COL4A4: variants seen among roughly 807,000 people sequenced by gnomAD.
COL4A4 encodes collagen type IV alpha 4 chain, also known as collagen alpha-4(IV) chain.
COL4A4 carries 105 observed loss-of-function variants against 192.9 expected under a neutral mutation model. The observed-to-expected ratio is 0.54, with a 90% confidence interval of 0.46 to 0.64. The LOEUF (loss-of-function observed/expected upper bound fraction) is 0.64, where lower values mean the gene tolerates loss of function less well. Ranked by LOEUF, COL4A4 falls within the 30% of genes least tolerant of loss-of-function variation. The probability of loss-of-function intolerance (pLI) is 0.00; values close to 1 mark genes in which losing one functional copy is unlikely to be tolerated. For missense variants in COL4A4, 1,967 were observed against 2,169.3 expected (o/e 0.91, Z 1.85); for synonymous variants, 762 against 769.9 (o/e 0.99, Z 0.17).
At chr2:226,992,384 G>A in the COL4A4 span, among the ~76,000 whole-genome samples, 2 of 152,180 alleles carry the variant, frequency 1.3e-5, no homozygotes, top group East Asian at 3.8e-4. Flanking sequence ...TTCAGAGTTG[G>A]AAACAAAGCA....
intron 37 of COL4A4, among the ~76,000 whole-genome samples, chr2:227,039,825 A>C (rs1970421938): frequency 6.6e-6 from 1 of 152,230 alleles, no homozygotes; most frequent in Non-Finnish European, 1.5e-5. Flanking sequence ...TTTCAAAATA[A>C]CAGAATGATC....
intron 44 of COL4A4, among the ~76,000 whole-genome samples, chr2:227,015,838 A>T (rs13393902): frequency 1.3e-5 from 2 of 151,776 alleles, no homozygotes; most frequent in African/African-American, 4.8e-5. Flanking sequence ...GTTTGCCAAC[A>T]AGTATGCCTA....
intron 4 of COL4A4, among the ~76,000 whole-genome samples, chr2:227,125,003 A>T (rs2062002086): frequency 6.6e-6 from 1 of 152,212 alleles, no homozygotes; most frequent in South Asian, 2.1e-4. Flanking sequence ...TAACTGAAAA[A>T]GAGAGAGCCA....
rs1158697788 is a variant in COL4A4 at position 227,045,921 on chromosome 2, G to A, written c.3289+1554C>T. Reference sequence around the variant, plus strand: ...AGATAGTATATATATGTATGTATATGTATATGTATATATGTATATATGTAT... The same window carrying A: ...AGATAGTATATATATGTATGTATATATATATGTATATATGTATATATGTAT... On this transcript the variant is annotated intron_variant, in intron 35 of 47. Coordinates refer to ENST00000396625, the MANE Select transcript of COL4A4 (RefSeq NM_000092.5). Among the ~76,000 whole-genome samples the A allele has an allele frequency of 2.7e-3, 164 of 61,662 alleles. 28 individuals carry two copies. The highest frequency in any genetic ancestry group is 0.012 in the African/African-American group (153 of 12,652). The allele number at this position is 61,662 out of a possible 152,430, so 40.5% of individuals were successfully genotyped here. A position where few individuals can be genotyped will look rare whatever the true frequency, so the allele number is the denominator to read the frequency against.
At chr2:227,124,543 T>C (rs1365482268) in intron 4 of COL4A4, among the ~76,000 whole-genome samples, 1 of 152,220 alleles carries the variant, frequency 6.6e-6, no homozygotes, top group Non-Finnish European at 1.5e-5. Context: ...CTACTATTTA[T>C]TGAGTATCCA....
chr2:227,092,544 T>C (rs1167812010), intron 20 of COL4A4, among the ~76,000 whole-genome samples: 3 of 152,146 alleles, frequency 2.0e-5, no homozygotes, highest in Admixed American at 1.3e-4. Context: ...CTAATACTAA[T>C]AGAATAGTTA....
At chr2:227,093,167 C>T (rs1022984886) in intron 20 of COL4A4, among the ~76,000 whole-genome samples, 2 of 152,168 alleles carry the variant, frequency 1.3e-5, no homozygotes, top group African/African-American at 2.4e-5. Context: ...AGCCTCTAAA[C>T]TGCCCTTGGC....
Position 227,030,614 on chromosome 2 carries a change from A to G in COL4A4, c.3818-16T>C. ...CCAGGTGCTCCTGACCACAGAGAAG[A>G]GACAAAAATATTCTTTTAGTCAAAG... On this transcript the variant is annotated splice_polypyrimidine_tract_variant and intron_variant, in intron 40 of 47. Transcript: ENST00000396625. 6.4e-7 allele frequency: 1 copy of G among 1,565,428 alleles called. No individual in the cohort carries two copies. The highest frequency in any genetic ancestry group is 8.6e-7 in the Non-Finnish European group (1 of 1,161,256).
chr2:227,084,576 T>C (rs2059486697), intron 22 of COL4A4, among the ~76,000 whole-genome samples: 1 of 152,150 alleles, frequency 6.6e-6, no homozygotes, highest in African/African-American at 2.4e-5. Flanking sequence ...TACTGAACCA[T>C]TACTAAACCA....
the COL4A4 span, among the ~76,000 whole-genome samples, chr2:226,982,462 A>G: frequency 6.6e-6 from 1 of 152,216 alleles, no homozygotes; most frequent in African/African-American, 2.4e-5. Flanking sequence ...AAAAGTAAAG[A>G]TAAGTTGAAC....
chr2:227,133,989 C>T (rs2062655028), intron 4 of COL4A4, among the ~76,000 whole-genome samples: 1 of 152,150 alleles, frequency 6.6e-6, no homozygotes, highest in Non-Finnish European at 1.5e-5. Flanking sequence ...TTAACTTTTG[C>T]AAGTTTTTTA....
At chr2:227,077,492 CA>C (rs1293182332) in intron 25 of COL4A4, among the ~76,000 whole-genome samples, 1 of 151,858 alleles carries the variant, frequency 6.6e-6, no homozygotes, top group African/African-American at 2.4e-5. Flanking sequence ...CGAGACCTGT[CA>C]GGGGGTCAGG....
intron 36 of COL4A4, among the ~76,000 whole-genome samples, chr2:227,042,459 T>C (rs539681376): frequency 6.6e-6 from 1 of 152,352 alleles, no homozygotes; most frequent in Admixed American, 6.5e-5. Context: ...AGTTGCCAAC[T>C]ATAGTTTGAA....
Position 227,007,512 on chromosome 2 carries a change from G to T in COL4A4, c.4886C>A (p.Ala1629Glu). 1.2e-6 allele frequency: 2 copies of T among 1,613,958 alleles called. No homozygotes were observed. Among genetic ancestry groups the T allele is most frequent in the Non-Finnish European group, 1.7e-6 (2 of 1,180,026 alleles). Reference sequence around the variant, plus strand: ...CCGGCCCTGGCATTCAAGGAATGGTGCTGCTCTGAAATCTTCCAGGCAGCT... The same window carrying T: ...CCGGCCCTGGCATTCAAGGAATGGTTCTGCTCTGAAATCTTCCAGGCAGCT... ...PGSCLEDFRA[A>E]PFLECQGRQG... The change falls in exon 48 of 48, where the codon GCA becomes GAA. Residue 1629 changes from alanine to glutamate, a missense_variant. Coordinates refer to ENST00000396625, the MANE Select transcript of COL4A4 (RefSeq NM_000092.5).
At chr2:226,988,288 C>A in the COL4A4 span, 1 of 1,533,118 alleles carries the variant, frequency 6.5e-7, no homozygotes, top group Non-Finnish European at 8.8e-7. Flanking sequence ...TAAGTCTCTT[C>A]CCCTGTCCTT....
chr2:227,120,712 C>T (rs767037970), intron 5 of COL4A4: 12 of 308,290 alleles, frequency 3.9e-5, no homozygotes, highest in Non-Finnish European at 6.3e-5. Flanking sequence ...CCGAGGCAGG[C>T]AGATCACTTG....
At chr2:227,089,742 T>C in intron 21 of COL4A4, 126 bp downstream of exon 21, 1 of 758,018 alleles carries the variant, frequency 1.3e-6, no homozygotes, top group Non-Finnish European at 2.3e-6. Flanking sequence ...CTTAATGGAG[T>C]ACTCTAGTGG....
At chr2:227,150,991 C>A (rs534409628) in intron 1 of COL4A4, among the ~76,000 whole-genome samples, 2 of 151,774 alleles carry the variant, frequency 1.3e-5, no homozygotes, top group Non-Finnish European at 2.9e-5. Context: ...TAAATGATGA[C>A]CTTTAAAATA....
the COL4A4 span, chr2:226,995,727 G>A: frequency 1.7e-6 from 1 of 584,976 alleles, no homozygotes; most frequent in Non-Finnish European, 3.0e-6. Flanking sequence ...TCCTGGCCTT[G>A]TTCTTGCTCA....
Sources: gnomAD v4.1 joint callset for allele counts (sites outside exome capture counted in the v4.1 genomes callset) on GRCh38, gnomAD v4.1.1 for gene constraint, MANE v1.5 for transcripts, NCBI Gene and HGNC (gene_info 2026-07-23, HGNC 2026-07-21) for gene names.